Variants in CDIN1 observed in about 807,000 individuals in gnomAD.
The protein encoded by CDIN1 is CDAN1 interacting nuclease 1.
A neutral mutation model predicts 45.3 loss-of-function variants in CDIN1; 33 were observed. The observed-to-expected ratio is 0.73, with a 90% CI of 0.55 to 0.97. The LOEUF (loss-of-function observed/expected upper bound fraction) is 0.97, where lower values mean the gene tolerates loss of function less well. Ranked by LOEUF, CDIN1 falls within the 50% of genes least tolerant of loss-of-function variation. The probability of loss-of-function intolerance (pLI) is 0.00; values close to 1 mark genes in which losing one functional copy is unlikely to be tolerated. For missense variants in CDIN1, 303 were observed against 339.4 expected (o/e 0.89, Z 0.84); for synonymous variants, 118 against 124.4 (o/e 0.95, Z 0.34).
intron 10 of CDIN1, among the ~76,000 whole-genome samples, chr15:36,797,978 T>TAAAAAAA (rs1804475840): frequency 1.1e-5 from 1 of 87,182 alleles, no homozygotes. Flanking sequence ...AGACTCCATC[T>TAAAAAAA]CAAAAAAAAA....
At chr15:36,630,790 T>TA (rs1362503566) in intron 1 of CDIN1, among the ~76,000 whole-genome samples, 4 of 152,042 alleles carry the variant, frequency 2.6e-5, no homozygotes, top group Non-Finnish European at 4.4e-5. Context: ...GGGGAGCTGA[T>TA]ATGTGCAGAG....
intron 1 of CDIN1, among the ~76,000 whole-genome samples, chr15:36,592,228 G>GCTCT (rs770148372): frequency 3.6e-4 from 55 of 152,318 alleles, no homozygotes; most frequent in Middle Eastern, 3.4e-3. Flanking sequence ...GGATGCTGGT[G>GCTCT]CTCTTTCCAG....
chr15:36,718,139 C>T (rs2043278958), intron 10 of CDIN1, among the ~76,000 whole-genome samples: 1 of 151,916 alleles, frequency 6.6e-6, no homozygotes, highest in Non-Finnish European at 1.5e-5. Flanking sequence ...CTTTTTTCTC[C>T]ACCTAAATTA....
At chr15:36,597,801 C>T (rs1359411364) in intron 1 of CDIN1, among the ~76,000 whole-genome samples, 1 of 152,088 alleles carries the variant, frequency 6.6e-6, no homozygotes, top group Non-Finnish European at 1.5e-5. Context: ...TGTCAGTTCT[C>T]CTGTCATCTG....
intron 10 of CDIN1, chr15:36,798,633 A>G (rs180849710): frequency 1.3e-5 from 2 of 152,282 alleles, no homozygotes; most frequent in Non-Finnish European, 2.9e-5. Flanking sequence ...GCAGACTTTT[A>G]TATATCCAAA....
At chr15:36,772,617 TC>T (rs2054107375) in intron 10 of CDIN1, among the ~76,000 whole-genome samples, 1 of 152,172 alleles carries the variant, frequency 6.6e-6, no homozygotes, top group Non-Finnish European at 1.5e-5. Context: ...CAGTCTTGCT[TC>T]CCATTGCTGT....
chr15:36,671,413 G>T (rs952327542), intron 5 of CDIN1, among the ~76,000 whole-genome samples: 1 of 152,076 alleles, frequency 6.6e-6, no homozygotes, highest in Non-Finnish European at 1.5e-5. Flanking sequence ...TGAAAAAAGG[G>T]CAGATTTTTT....
intron 3 of CDIN1, among the ~76,000 whole-genome samples, chr15:36,649,811 G>C (rs1273748602): frequency 6.6e-6 from 1 of 152,182 alleles, no homozygotes; most frequent in Non-Finnish European, 1.5e-5. Context: ...ACCTCTGTTA[G>C]CACTTCTCTT....
intron 5 of CDIN1, among the ~76,000 whole-genome samples, chr15:36,670,196 G>A (rs2041397936): frequency 6.6e-6 from 1 of 152,022 alleles, no homozygotes; most frequent in Non-Finnish European, 1.5e-5. Context: ...TAAATTTGTA[G>A]CATACATTTT....
At chr15:36,649,635 T>C (rs1287757293) in intron 3 of CDIN1, among the ~76,000 whole-genome samples, 2 of 152,206 alleles carry the variant, frequency 1.3e-5, no homozygotes, top group African/African-American at 4.8e-5. Flanking sequence ...CCTAAGATGA[T>C]CCACAACCCT....
chr15:36,590,188 C>G (rs374106600), intron 1 of CDIN1, among the ~76,000 whole-genome samples: 43 of 152,192 alleles, frequency 2.8e-4, no homozygotes, highest in African/African-American at 9.4e-4. Flanking sequence ...TTTTTTTAAC[C>G]TACTGTGGTG....
chr15:36,663,432 C>T (rs564985549), intron 5 of CDIN1, among the ~76,000 whole-genome samples: 4 of 152,220 alleles, frequency 2.6e-5, no homozygotes, highest in Non-Finnish European at 5.9e-5. Flanking sequence ...TGTAGTTCCC[C>T]GTAATCCCCA....
At chr15:36,776,565 A>G (rs2054222930) in intron 10 of CDIN1, among the ~76,000 whole-genome samples, 1 of 152,232 alleles carries the variant, frequency 6.6e-6, no homozygotes, top group African/African-American at 2.4e-5. Context: ...AGCCTTCAAA[A>G]TAAAATTATT....
intron 1 of CDIN1, among the ~76,000 whole-genome samples, chr15:36,643,016 A>G (rs575030644): frequency 7.5e-4 from 114 of 152,302 alleles, no homozygotes; most frequent in African/African-American, 2.4e-3. Context: ...CAAGCCAGGC[A>G]AAATAGGAAG....
At chr15:36,699,655 G>T (rs1367636694) in intron 8 of CDIN1, among the ~76,000 whole-genome samples, 2 of 151,958 alleles carry the variant, frequency 1.3e-5, no homozygotes, top group Non-Finnish European at 2.9e-5. Flanking sequence ...TTCTAAATTT[G>T]CCACACATTG....
intron 5 of CDIN1, among the ~76,000 whole-genome samples, chr15:36,659,477 G>T (rs1461593707): frequency 6.6e-6 from 1 of 152,122 alleles, no homozygotes; most frequent in Non-Finnish European, 1.5e-5. Flanking sequence ...GAATGTGGCT[G>T]CTTGGAAAGG....
chr15:36,797,712 G>A (rs1156541099), intron 10 of CDIN1, among the ~76,000 whole-genome samples: 3 of 152,090 alleles, frequency 2.0e-5, no homozygotes, highest in Non-Finnish European at 4.4e-5. Context: ...AGGCATGGTG[G>A]CTCATGCCTG....
chr15:36,779,522 G>A (rs1485019464), intron 10 of CDIN1, among the ~76,000 whole-genome samples: 1 of 152,178 alleles, frequency 6.6e-6, no homozygotes, highest in African/African-American at 2.4e-5. Flanking sequence ...AGATTCCTGA[G>A]CCTGCCCCAG....
chr15:36,794,792 A>G (rs771418077), intron 10 of CDIN1, among the ~76,000 whole-genome samples: 2 of 152,254 alleles, frequency 1.3e-5, no homozygotes, highest in African/African-American at 4.8e-5. Flanking sequence ...CAAGATTTCA[A>G]AATGCTCCTA....
Sources: gnomAD v4.1 joint callset for allele counts (sites outside exome capture counted in the v4.1 genomes callset) on GRCh38, gnomAD v4.1.1 for gene constraint, MANE v1.5 for transcripts, NCBI Gene and HGNC (gene_info 2026-07-23, HGNC 2026-07-21) for gene names.